Variants in JAK1 observed in about 807,000 individuals in gnomAD.
The protein encoded by JAK1 is Janus kinase 1, also known as tyrosine-protein kinase JAK1.
Under a neutral mutation model 136.6 loss-of-function variants are expected in JAK1, and 16 were observed. The observed-to-expected ratio is 0.12, with a 90% CI of 0.08 to 0.18. JAK1 has a LOEUF of 0.18. Among genes scored for constraint, JAK1 ranks in the 10% least tolerant of loss-of-function variants. The pLI, the probability that JAK1 is intolerant of heterozygous loss-of-function variation, is 1.00. For synonymous variants in JAK1, 492 were observed against 519.5 expected (o/e 0.95, Z 0.72); for missense variants, 859 against 1,450.1 (o/e 0.59, Z 6.62).
At chr1:64,852,031 G>T (rs780789615) in intron 11 of JAK1, among the ~76,000 whole-genome samples, 54 of 152,212 alleles carry the variant, frequency 3.5e-4, no homozygotes, top group Non-Finnish European at 6.9e-4. Context: ...GCTGCTGAGC[G>T]CCGGGTCCCT....
chr1:64,918,252 T>A (rs570769534), intron 1 of JAK1, among the ~76,000 whole-genome samples: 1 of 152,334 alleles, frequency 6.6e-6, no homozygotes, highest in Non-Finnish European at 1.5e-5. Flanking sequence ...ACATACTGTT[T>A]ACATAGTCTT....
At chr1:64,945,498 A>T (rs1394220913) in intron 1 of JAK1, among the ~76,000 whole-genome samples, 2 of 152,158 alleles carry the variant, frequency 1.3e-5, no homozygotes, top group Non-Finnish European at 2.9e-5. Context: ...TACTTGATGT[A>T]CTAATAAGGA....
At chr1:64,865,033 G>C in intron 7 of JAK1, 61 bp from the exon 8 acceptor site, 3 of 1,372,344 alleles carry the variant, frequency 2.2e-6, no homozygotes, top group Non-Finnish European at 3.1e-6. Context: ...ATTGGTAAAA[G>C]GTCAGTGCTG....
chr1:64,944,703 A>C (rs538444942), intron 1 of JAK1, among the ~76,000 whole-genome samples: 21 of 152,300 alleles, frequency 1.4e-4, no homozygotes, highest in African/African-American at 5.1e-4. Flanking sequence ...ATGGAAAAAA[A>C]GGTTATGAAA....
chr1:65,020,463 C>T (rs933091468), intron 2 of JAK1, among the ~76,000 whole-genome samples: 2 of 152,120 alleles, frequency 1.3e-5, no homozygotes, highest in Non-Finnish European at 2.9e-5. Flanking sequence ...TAGCTTGAAA[C>T]TGGAAACGAT....
intron 2 of JAK1, among the ~76,000 whole-genome samples, chr1:65,032,934 C>T (rs1372257987): frequency 6.6e-6 from 1 of 152,178 alleles, no homozygotes; most frequent in Non-Finnish European, 1.5e-5. Context: ...TGTCAGTGTA[C>T]CTGGCTATAA....
chr1:64,873,675 T>C, intron 4 of JAK1, 152 bp from the exon 5 acceptor site: 1 of 786,272 alleles, frequency 1.3e-6, no homozygotes, highest in East Asian at 2.6e-5. Context: ...TCACCATCTC[T>C]TTCCTTCTTA....
chr1:65,066,556 C>CGGG (rs1648051521), intron 1 of JAK1: 2 of 151,876 alleles, frequency 1.3e-5, no homozygotes, highest in Non-Finnish European at 2.9e-5. Flanking sequence ...GGAGAATCTG[C>CGGG]GTGGCAGGGT....
At chr1:64,887,454 T>C (rs1049290027) in intron 1 of JAK1, among the ~76,000 whole-genome samples, 19 of 152,348 alleles carry the variant, frequency 1.2e-4, no homozygotes, top group Admixed American at 9.1e-4. Flanking sequence ...CTTCTGCTCA[T>C]AAGCAGGACT....
chr1:65,028,246 C>G (rs1000209052), intron 2 of JAK1, among the ~76,000 whole-genome samples: 1 of 152,040 alleles, frequency 6.6e-6, no homozygotes, highest in African/African-American at 2.4e-5. Flanking sequence ...ATAGCAATCC[C>G]CTCACAATTC....
At chr1:65,050,753 G>A (rs1647261750) in intron 1 of JAK1, among the ~76,000 whole-genome samples, 1 of 152,176 alleles carries the variant, frequency 6.6e-6, no homozygotes, top group Admixed American at 6.5e-5. Context: ...TTTTACACAT[G>A]CTGGGTCTAA....
chr1:64,965,863 C>T (rs1174784263), intron 1 of JAK1, among the ~76,000 whole-genome samples: 1 of 152,088 alleles, frequency 6.6e-6, no homozygotes, highest in African/African-American at 2.4e-5. Context: ...AAAGCTAAGA[C>T]CCTCAGCCTC....
Position 64,915,617 on chromosome 1 carries a change from C to T in JAK1, c.-77-29276G>A, listed in dbSNP as rs115631941. Among the ~76,000 whole-genome samples the T allele has an allele frequency of 9.9e-3, 1,514 of 152,290 alleles. 30 individuals are homozygous for T. The highest frequency in any genetic ancestry group is 0.033 in the African/African-American group (1,390 of 41,544). On this transcript the variant is annotated intron_variant, in intron 1 of 24. Coordinates refer to ENST00000342505, the MANE Select transcript of JAK1 (RefSeq NM_002227.4). The stretch of plus-strand genomic sequence containing the variant: ...TTTTGTATCTGTGCTGTGTCCAGTA[C>T]GGCAGCCAGTCACATGTGGCTACCA...
upstream of JAK1, among the ~76,000 whole-genome samples, chr1:64,969,990 A>G (rs945124193): frequency 2.6e-5 from 4 of 151,708 alleles, no homozygotes; most frequent in African/African-American, 9.7e-5. Flanking sequence ...ACAAAAAATA[A>G]CTGAGTGTGG....
At chr1:65,046,839 C>T (rs575562548) in intron 1 of JAK1, among the ~76,000 whole-genome samples, 52 of 131,856 alleles carry the variant, frequency 3.9e-4, no homozygotes, top group Non-Finnish European at 7.5e-4. Flanking sequence ...TGTGAGCCAC[C>T]GCAGTGTGAG....
At chr1:64,938,791 AC>A (rs1188661957) in intron 1 of JAK1, among the ~76,000 whole-genome samples, 1 of 152,224 alleles carries the variant, frequency 6.6e-6, no homozygotes, top group Non-Finnish European at 1.5e-5. Context: ...TTTTATGTCT[AC>A]ATAAGGATAT....
In JAK1 at chr1:64,844,070, C is replaced by T; in HGVS notation, c.2397G>A (p.Leu799=). The stretch of plus-strand genomic sequence containing the variant: ...CCGGGAAACACCTGCTCACCTCAAT[C>T]AGCGTCTTGTCTTTCAAGGGGATCT... ...NGEIPLKDKT[L]IEKERFYESR... is the part of the protein sequence containing the mutation. The change falls in exon 17 of 25, where the codon CTG becomes CTA. Residue 799 remains leucine, a synonymous_variant. Coordinates refer to ENST00000342505, the MANE Select transcript of JAK1 (RefSeq NM_002227.4). The surrounding 1 kb of genome is among the most constrained non-coding windows in gnomAD (Gnocchi z 5.7). 1.2e-6 allele frequency: 2 copies of T among 1,614,100 alleles called. No individual in the cohort carries two copies. Among genetic ancestry groups the T allele is most frequent in the Non-Finnish European group, 1.7e-6 (2 of 1,180,018 alleles).
chr1:64,855,559 G>A lies in JAK1; in HGVS notation c.1598C>T (p.Thr533Met), dbSNP rs761801070. The A allele has an allele frequency of 1.9e-6, 3 of 1,614,164 alleles. No individual in the cohort carries two copies. The highest frequency in any genetic ancestry group is 2.2e-5 in the East Asian group (1 of 44,884). ...TTTTAGCATGAAGCTGATGTTATCC[G>A]TGCGCAGGATCTGCTTCTTGAGGTG... is the stretch of plus-strand genomic sequence containing the variant. The part of the protein sequence containing the change: ...MSHLKKQILR[T>M]DNISFMLKRC... Residue 533 changes from threonine to methionine, a missense_variant, in exon 11 of 25, where the codon ACG becomes ATG. Thr to Met is a moderately conservative substitution (Grantham distance 81). Around this residue, in one of 4 missense-constraint regions of JAK1, gnomAD observed 409 missense variants for 753.8 expected, o/e 0.54. Transcript: ENST00000342505.
At chr1:64,930,142 A>ATT (rs1215903871) in intron 1 of JAK1, among the ~76,000 whole-genome samples, 1 of 152,230 alleles carries the variant, frequency 6.6e-6, no homozygotes, top group African/African-American at 2.4e-5. Flanking sequence ...AAAAGCCAAA[A>ATT]TTGACAAATG....
Sources: allele counts gnomAD v4.1 joint callset (sites outside exome capture counted in the v4.1 genomes callset), GRCh38; gene constraint gnomAD v4.1.1; regional missense constraint gnomAD v4.1.1; non-coding constraint Gnocchi (gnomAD v3.1); transcripts MANE v1.5; gene names NCBI Gene and HGNC (gene_info 2026-07-23, HGNC 2026-07-21).